Variants in TTBK2 observed in about 807,000 individuals in gnomAD.
TTBK2 encodes tau tubulin kinase 2.
A neutral mutation model predicts 110.8 loss-of-function variants in TTBK2; 28 were observed. The ratio of observed to expected loss-of-function variants is 0.25; its 90% CI spans 0.19 to 0.35. The LOEUF is 0.35. Among genes scored for constraint, TTBK2 ranks in the 10% least tolerant of loss-of-function variants. The pLI, the probability that TTBK2 is intolerant of heterozygous loss-of-function variation, is 1.00. For synonymous variants in TTBK2, 532 were observed against 527.3 expected, an observed-to-expected ratio of 1.01 and a Z score of -0.12; for missense variants, 1,369 against 1,500.3, an observed-to-expected ratio of 0.91 and a Z score of 1.45.
At chr15:42,791,774 C>A (rs534495235) in intron 10 of TTBK2, among the ~76,000 whole-genome samples, 14 of 152,214 alleles carry the variant, frequency 9.2e-5, no homozygotes, top group African/African-American at 3.1e-4. Flanking sequence ...TACCTGTATT[C>A]TTTATATTTA....
intron 4 of TTBK2, among the ~76,000 whole-genome samples, chr15:42,836,434 G>A (rs538466052): frequency 2.0e-5 from 3 of 152,152 alleles, no homozygotes; most frequent in Non-Finnish European, 2.9e-5. Context: ...ATGCTCTAGC[G>A]GTTATACCAG....
At chr15:42,872,377 C>A (rs1437113411) in intron 3 of TTBK2, among the ~76,000 whole-genome samples, 1 of 152,154 alleles carries the variant, frequency 6.6e-6, no homozygotes, top group African/African-American at 2.4e-5. Context: ...ACTCTCTTAT[C>A]CTTACTCCAT....
intron 6 of TTBK2, among the ~76,000 whole-genome samples, chr15:42,824,951 A>G (rs746549025): frequency 1.3e-4 from 20 of 152,102 alleles, no homozygotes; most frequent in Non-Finnish European, 1.9e-4. Flanking sequence ...ATAAAATAAT[A>G]AAAAAGCAGA....
chr15:42,896,925 C>T (rs889138811), intron 1 of TTBK2, among the ~76,000 whole-genome samples: 4 of 151,396 alleles, frequency 2.6e-5, no homozygotes, highest in Admixed American at 2.0e-4. Context: ...GTCGCCCAGG[C>T]TGGAGTACAG....
intron 1 of TTBK2, among the ~76,000 whole-genome samples, chr15:42,900,346 TC>T (rs1038121212): frequency 6.6e-5 from 10 of 152,194 alleles, no homozygotes; most frequent in African/African-American, 2.4e-4. Context: ...ATATGTATGA[TC>T]CCATTTCTAT....
chr15:42,771,721 C>A (rs1889686172), intron 13 of TTBK2, among the ~76,000 whole-genome samples: 1 of 152,132 alleles, frequency 6.6e-6, no homozygotes. Context: ...CTTCTTTGTG[C>A]ATTATTTTAA....
intron 3 of TTBK2, among the ~76,000 whole-genome samples, chr15:42,866,835 T>C (rs1894388588): frequency 6.6e-6 from 1 of 152,108 alleles, no homozygotes; most frequent in Admixed American, 6.5e-5. Flanking sequence ...CAAAGAACTA[T>C]CATAAGAAGT....
rs773869884 is a variant in TTBK2 at position 42,801,899 on chromosome 15, C to T, written c.823-7098G>A. 3.3e-6 allele frequency: 5 copies of T among 1,504,780 alleles called. No individual in the cohort carries two copies. In the South Asian group the frequency reaches 3.4e-5, roughly 10 times the overall value. The allele number at this position is 1,504,780 out of a possible 1,614,324, so 93.2% of individuals were successfully genotyped here. A position where few individuals can be genotyped will look rare whatever the true frequency, so the allele number is the denominator to read the frequency against. ...TCATACTTGTTCCTGAAGTCCTCCACCAGCCCATGCATGTTGCCAAGCTCC... is the reference window on the plus strand; with the variant it reads ...TCATACTTGTTCCTGAAGTCCTCCATCAGCCCATGCATGTTGCCAAGCTCC... On this transcript the variant is annotated intron_variant, in intron 9 of 14. Transcript: ENST00000267890.
chr15:42,893,541 C>T (rs76232023), intron 1 of TTBK2, among the ~76,000 whole-genome samples: 20 of 150,850 alleles, frequency 1.3e-4, no homozygotes, highest in Admixed American at 2.6e-4. Context: ...AAAATAAGCA[C>T]GGAAGTTTCA....
chr15:42,875,390 A>G (rs548268095), intron 2 of TTBK2, among the ~76,000 whole-genome samples: 8 of 152,264 alleles, frequency 5.3e-5, no homozygotes, highest in African/African-American at 1.9e-4. Context: ...GCACAACAAT[A>G]TCATCCATTC....
chr15:42,868,714 T>G (rs76742403), intron 3 of TTBK2, among the ~76,000 whole-genome samples: 1 of 148,990 alleles, frequency 6.7e-6, no homozygotes, highest in Non-Finnish European at 1.5e-5. Context: ...AAAAAAAAAT[T>G]AGCTGAGTGT....
chr15:42,832,083 T>C (rs1892783568), intron 4 of TTBK2, among the ~76,000 whole-genome samples: 1 of 152,198 alleles, frequency 6.6e-6, no homozygotes, highest in South Asian at 2.1e-4. Context: ...TTAATTGGGA[T>C]TTACCATAGT....
Position 42,752,627 on chromosome 15 carries a change from C to G in TTBK2, c.2619G>C (p.Met873Ile), listed in dbSNP as rs1167737727. ...CATCCTTAGATATCTTATTTTTTTG[C>G]ATTTCTGCCACTTGGCCTATCTGAC... ...VEGQIGQVAE[M>I]QKNKISKDDD... Residue 873 changes from methionine (M) to isoleucine (I), a missense_variant, in exon 14 of 15, where the codon ATG (methionine) becomes ATC (isoleucine). By Grantham distance (10) the Met-to-Ile change is conservative. Coordinates refer to ENST00000267890, the MANE Select transcript of TTBK2 (RefSeq NM_173500.4). The G allele has an allele frequency of 1.9e-6, 3 of 1,614,050 alleles. No homozygotes were observed. The highest frequency in any genetic ancestry group is 1.7e-6 in the Non-Finnish European group (2 of 1,180,012).
chr15:42,864,861 T>G (rs903164622), intron 3 of TTBK2, among the ~76,000 whole-genome samples: 1 of 152,146 alleles, frequency 6.6e-6, no homozygotes, highest in Non-Finnish European at 1.5e-5. Context: ...GATAACAGTT[T>G]GCTCAAAATA....
intron 10 of TTBK2, among the ~76,000 whole-genome samples, chr15:42,792,742 A>G (rs187584156): frequency 6.6e-6 from 1 of 152,304 alleles, no homozygotes; most frequent in Admixed American, 6.5e-5. Context: ...ATACTGCACT[A>G]GGATTTGTGG....
intron 1 of TTBK2, among the ~76,000 whole-genome samples, chr15:42,911,305 C>T (rs1315298072): frequency 1.3e-5 from 2 of 152,062 alleles, no homozygotes; most frequent in East Asian, 3.9e-4. Context: ...CATATCCCAT[C>T]GAGAGGTAGG....
At chr15:42,799,822 T>A (rs1189378117) in intron 9 of TTBK2, among the ~76,000 whole-genome samples, 1 of 152,094 alleles carries the variant, frequency 6.6e-6, no homozygotes. Context: ...GCAGTCCATT[T>A]TAAATCTGAT....
rs182465774 is a variant in TTBK2 at position 42,815,124 on chromosome 15, G to A, written c.603+1908C>T. Reference sequence around the variant, plus strand: ...TTAATAAAATTAACTGGAAAACCTAGTATTTCTAAACTTTTGTAAGAATCT... The same window carrying A: ...TTAATAAAATTAACTGGAAAACCTAATATTTCTAAACTTTTGTAAGAATCT... On this transcript the variant is annotated intron_variant, in intron 7 of 14. Transcript: ENST00000267890. 2.6e-5 allele frequency among the ~76,000 whole-genome samples: 4 copies of A among 151,998 alleles called. No homozygotes were observed. The East Asian group carries it at 7.8e-4, about 29-fold the overall frequency.
rs139064535 is a variant in TTBK2, at chr15:42,878,655, T to C, written c.-38A>G. 9.3e-6 allele frequency: 15 copies of C among 1,613,584 alleles called. No homozygotes were observed. Among genetic ancestry groups the C allele is most frequent in the African/African-American group, 6.7e-5 (5 of 74,986 alleles). On this transcript the variant is annotated 5_prime_UTR_variant, in exon 2 of 15. An upstream start codon of the reference 5' UTR is lost. Transcript: ENST00000267890. ...ATATGGTAGAACAGCTACACAGGCA[T>C]CCAGTTCCCAAGGGTGGTTTCCATT...
Sources: gnomAD v4.1 joint callset for allele counts (sites outside exome capture counted in the v4.1 genomes callset) on GRCh38, gnomAD v4.1.1 for gene constraint, MANE v1.5 for transcripts, NCBI Gene and HGNC (gene_info 2026-07-23, HGNC 2026-07-21) for gene names.